COL3A1: variants seen among roughly 807,000 people sequenced by gnomAD.
COL3A1 encodes the protein collagen alpha-1(III) chain.
A neutral mutation model predicts 200.9 loss-of-function variants in COL3A1; 46 were observed. The ratio of observed to expected loss-of-function variants is 0.23; its 90% CI spans 0.18 to 0.29. The LOEUF is 0.29. COL3A1 is among the 10% of genes least tolerant of loss of function. The pLI is 1.00. For missense variants in COL3A1, 1,367 were observed against 1,917.6 expected, an observed-to-expected ratio of 0.71 and a Z score of 5.36; for synonymous variants, 650 against 628.0, an observed-to-expected ratio of 1.03 and a Z score of -0.52.
At position 188,997,680 on chromosome 2, in the gene COL3A1, G is replaced by A. The variant is rs1688360231; in HGVS notation, c.1870-20G>A. The A allele has an allele frequency of 2.5e-6, 4 of 1,608,924 alleles. No homozygotes were observed. Among genetic ancestry groups the A allele is most frequent in the Non-Finnish European group, 3.4e-6 (4 of 1,175,406 alleles). On this transcript the variant is annotated intron_variant, in intron 26 of 50. Coordinates refer to ENST00000304636, the MANE Select transcript of COL3A1 (RefSeq NM_000090.4). ...TATAAAAGGATGTTTACAACAGAGT[G>A]TATCATTATACTTTTCTAGGGGCCT...
chr2:188,979,646 A>C (rs1421307116), intron 1 of COL3A1, among the ~76,000 whole-genome samples: 1 of 151,810 alleles, frequency 6.6e-6, no homozygotes, highest in Non-Finnish European at 1.5e-5. Flanking sequence ...TTTTGAGGCC[A>C]GATAGAAAAA....
At chr2:189,011,155 A>G (rs1688715345) in intron 50 of COL3A1, among the ~76,000 whole-genome samples, 1 of 152,240 alleles carries the variant, frequency 6.6e-6, no homozygotes, top group Non-Finnish European at 1.5e-5. Context: ...TAATTGGGAT[A>G]GTTACTATAT....
intron 34 of COL3A1, 83 bp downstream of exon 34, chr2:189,001,672 C>G: frequency 2.1e-6 from 3 of 1,400,978 alleles, no homozygotes; most frequent in East Asian, 2.3e-5. Flanking sequence ...GGCAGTTTTG[C>G]CCTCAGTTCC....
At chr2:188,981,044 A>T (rs1405584582) in intron 1 of COL3A1, among the ~76,000 whole-genome samples, 1 of 151,474 alleles carries the variant, frequency 6.6e-6, no homozygotes, top group Non-Finnish European at 1.5e-5. Context: ...TGCTTTAGGG[A>T]ATAATATTAT....
At chr2:188,989,844 G>T (rs185037634) in intron 8 of COL3A1, among the ~76,000 whole-genome samples, 40 of 152,090 alleles carry the variant, frequency 2.6e-4, no homozygotes, top group African/African-American at 9.4e-4. Context: ...ATCTCCAATG[G>T]CAAATTCTTT....
At chr2:188,991,926 G>A (rs1310202657) in intron 13 of COL3A1, among the ~76,000 whole-genome samples, 1 of 152,124 alleles carries the variant, frequency 6.6e-6, no homozygotes, top group Non-Finnish European at 1.5e-5. Flanking sequence ...GAGAATTTTT[G>A]TGTTAACTTT....
Position 189,011,859 on chromosome 2 carries a change from G to A in COL3A1, c.*85G>A. On this transcript the variant is annotated 3_prime_UTR_variant, in exon 51 of 51. Coordinates refer to ENST00000304636, the MANE Select transcript of COL3A1 (RefSeq NM_000090.4). ...TCTAATCTTGTCAACCAGTGCAAGT[G>A]ACCGACAAAATTCCAGTTATTTATT... 1 of 1,464,984 alleles carries A rather than the reference G, an allele frequency of 6.8e-7. No individual in the cohort carries two copies. Among genetic ancestry groups the A allele is most frequent in the Non-Finnish European group, 9.5e-7 (1 of 1,051,252 alleles). The allele number at this position is 1,464,984 out of a possible 1,614,324, so 90.7% of individuals were successfully genotyped here.
chr2:188,997,815 A>G (rs181625003), intron 27 of COL3A1, 62 bp downstream of exon 27: 1 of 1,391,650 alleles, frequency 7.2e-7, no homozygotes, highest in Non-Finnish European at 1.0e-6. Flanking sequence ...TGTGTCCCTA[A>G]TAGATTATAA....
Position 188,984,830 on chromosome 2 carries a change from C to T in COL3A1, c.150C>T (p.Cys50=), listed in dbSNP as rs559102186. ...GAGATGTCTGGAAGCCAGAACCATG[C>T]CAAATATGTGTCTGTGACTCAGGAT... ...ADRDVWKPEP[C]QICVCDSGSV... Residue 50 remains cysteine (C), a synonymous_variant, in exon 2 of 51, where the codon TGC becomes TGT. Transcript: ENST00000304636. 2 of 1,613,166 alleles carry T rather than the reference C, an allele frequency of 1.2e-6. No homozygotes were observed. The highest frequency in any genetic ancestry group is 1.1e-5 in the South Asian group (1 of 91,070).
chr2:188,994,124 T>C lies in COL3A1; in HGVS notation c.1194+42T>C. 6.2e-7 allele frequency: 1 copy of C among 1,613,166 alleles called. No homozygotes were observed. The highest frequency in any genetic ancestry group is 8.5e-7 in the Non-Finnish European group (1 of 1,179,112). ...CCTCAGCCTTATCTCATCCACACATTACTGGCTTCTTTTGCATTTTGCATG... is the reference window on the plus strand; with the variant it reads ...CCTCAGCCTTATCTCATCCACACATCACTGGCTTCTTTTGCATTTTGCATG... On this transcript the variant is annotated intron_variant, in intron 17 of 50. Coordinates refer to ENST00000304636, the MANE Select transcript of COL3A1 (RefSeq NM_000090.4). This position sits in a 1 kb window ranked among gnomAD's most constrained non-coding sequence, Gnocchi z 4.5.
At chr2:189,003,953 A>G in intron 38 of COL3A1, 29 bp from the exon 39 acceptor site, 1 of 1,579,696 alleles carries the variant, frequency 6.3e-7, no homozygotes, top group Non-Finnish European at 8.6e-7. Context: ...TTTATTATAA[A>G]TATTCAAATT....
At chr2:189,001,204 A>G (rs1283188171) in intron 32 of COL3A1, among the ~76,000 whole-genome samples, 193 bp from the exon 33 acceptor site, 1 of 152,198 alleles carries the variant, frequency 6.6e-6, no homozygotes, top group African/African-American at 2.4e-5. Flanking sequence ...AGTTATCCCC[A>G]AAGAGGCTTG....
chr2:189,011,915 C>A lies in COL3A1; in HGVS notation c.*141C>A, dbSNP rs1163811840. 2 of 901,172 alleles carry A rather than the reference C, an allele frequency of 2.2e-6. No individual in the cohort carries two copies. The highest frequency in any genetic ancestry group is 1.7e-6 in the Non-Finnish European group (1 of 586,082). 55.8% of individuals were successfully genotyped at this position (901,172 alleles called of 1,614,324 possible). Reference sequence around the variant, plus strand: ...AATGTTTGGAAACAGTATAATTTGACAAAGAAAAATGATACTTCTCTTTTT... The same window carrying A: ...AATGTTTGGAAACAGTATAATTTGAAAAAGAAAAATGATACTTCTCTTTTT... On this transcript the variant is annotated 3_prime_UTR_variant, in exon 51 of 51. Transcript: ENST00000304636.
At chr2:188,988,756 A>C in intron 7 of COL3A1, 113 bp downstream of exon 7, 2 of 733,948 alleles carry the variant, frequency 2.7e-6, no homozygotes, top group Non-Finnish European at 4.6e-6. Flanking sequence ...TTTACCCTTA[A>C]GTTTGTAAAT....
chr2:189,003,759 G>C lies in COL3A1; in HGVS notation c.2633G>C (p.Arg878Pro). 1 of 1,613,796 alleles carries C rather than the reference G, an allele frequency of 6.2e-7. No individual in the cohort carries two copies. The highest frequency in any genetic ancestry group is 1.1e-5 in the South Asian group (1 of 91,050). ...GPGAAGFPGA[R>P]GLPGPPGSNG... ...GGTGCTGCTGGCTTCCCTGGTGCTC[G>C]TGGTCTTCCTGGTCCTCCTGGTAGT... is the stretch of plus-strand genomic sequence containing the variant. Residue 878 changes from arginine to proline, a missense_variant, in exon 38 of 51, where the codon CGT (arginine) becomes CCT (proline). Physicochemically the swap from Arg to Pro is moderately radical, Grantham distance 103. This residue lies in a region of COL3A1 where 846 missense variants were observed against 1,147.9 expected (regional missense o/e 0.74). Coordinates refer to ENST00000304636, the MANE Select transcript of COL3A1 (RefSeq NM_000090.4).
chr2:188,997,147 C>T lies in COL3A1; in HGVS notation c.1762-18C>T, dbSNP rs760220439. Reference sequence around the variant, plus strand: ...TTGCCCTTTGAGGATTAGTAAATACCGACCACTTCTTCTTTAGGGTGCTCC... The same window carrying T: ...TTGCCCTTTGAGGATTAGTAAATACTGACCACTTCTTCTTTAGGGTGCTCC... On this transcript the variant is annotated intron_variant, in intron 24 of 50. Coordinates refer to ENST00000304636, the MANE Select transcript of COL3A1 (RefSeq NM_000090.4). 11 of 1,611,502 alleles carry T rather than the reference C, an allele frequency of 6.8e-6. No homozygotes were observed. The highest frequency in any genetic ancestry group is 6.6e-5 in the South Asian group (6 of 90,952).
intron 13 of COL3A1, 85 bp from the exon 14 acceptor site, chr2:188,992,099 C>A: frequency 1.5e-6 from 2 of 1,332,612 alleles, no homozygotes; most frequent in Non-Finnish European, 2.2e-6. Context: ...ACTCAACTCA[C>A]TTGAGTCAGA....
At chr2:189,001,296 T>C in intron 32 of COL3A1, 101 bp from the exon 33 acceptor site, 1 of 1,137,078 alleles carries the variant, frequency 8.8e-7, no homozygotes, top group African/African-American at 1.6e-5. Context: ...AAGTATGTTA[T>C]CTAGTTTATT....
Position 188,974,550 on chromosome 2 carries a change from A to G in COL3A1, c.61A>G (p.Ile21Val). 2 of 1,613,992 alleles carry G rather than the reference A, an allele frequency of 1.2e-6. No individual in the cohort carries two copies. Among genetic ancestry groups the G allele is most frequent in the African/African-American group, 1.3e-5 (1 of 75,022 alleles). Residue 21 changes from isoleucine to valine, a missense_variant, in exon 1 of 51, where the codon ATT becomes GTT. Transcript: ENST00000304636. Reference sequence around the variant, plus strand: ...TCTCGCTCTGCTTCATCCCACTATTATTTTGGCACAACAGGAAGGTGAGTA... The same window carrying G: ...TCTCGCTCTGCTTCATCCCACTATTGTTTTGGCACAACAGGAAGGTGAGTA... ...LLLALLHPTI[I>V]LAQQEAVEGG...
Sources: allele counts gnomAD v4.1 joint callset (sites outside exome capture counted in the v4.1 genomes callset), GRCh38; gene constraint gnomAD v4.1.1; regional missense constraint gnomAD v4.1.1; non-coding constraint Gnocchi (gnomAD v3.1); transcripts MANE v1.5; gene names NCBI Gene and HGNC (gene_info 2026-07-23, HGNC 2026-07-21).